The following PARD3B variants were observed in gnomAD, a reference collection of about 807,000 sequenced individuals.
The protein encoded by PARD3B is par-3 family cell polarity regulator beta.
A neutral mutation model predicts 130.2 loss-of-function variants in PARD3B; 103 were observed. The observed-to-expected ratio is 0.79, with a 90% CI of 0.67 to 0.93. PARD3B has a LOEUF of 0.93. Among genes scored for constraint, PARD3B ranks in the 40% least tolerant of loss-of-function variants. The pLI is 0.00. For missense variants in PARD3B, 1,609 were observed against 1,499.2 expected (o/e 1.07, Z -1.21); for synonymous variants, 583 against 553.2 (o/e 1.05, Z -0.76).
chr2:204,723,932 C>T (rs76565313), intron 2 of PARD3B, among the ~76,000 whole-genome samples: 3,038 of 152,078 alleles, frequency 0.02, 89 homozygotes, highest in African/African-American at 0.067. Flanking sequence ...TTTTCCTATG[C>T]AAGTAATAAA....
chr2:205,155,516 AAAAAAAATGAAAAT>A (rs2034059361), intron 10 of PARD3B, among the ~76,000 whole-genome samples: 1 of 152,082 alleles, frequency 6.6e-6, no homozygotes, highest in Non-Finnish European at 1.5e-5. Flanking sequence ...AGTAAACTTT[AAAAAAAATGAAAAT>A]AAAAAAATTT....
intron 2 of PARD3B, among the ~76,000 whole-genome samples, chr2:204,726,631 CT>C (rs1244047354): frequency 1.4e-4 from 21 of 152,144 alleles, no homozygotes; most frequent in Non-Finnish European, 2.5e-4. Context: ...TGGGATTCAA[CT>C]TTCTCAGTTC....
At chr2:205,225,460 T>G (rs2038493547) in intron 15 of PARD3B, among the ~76,000 whole-genome samples, 1 of 152,226 alleles carries the variant, frequency 6.6e-6, no homozygotes, top group Non-Finnish European at 1.5e-5. Context: ...TTTTAGATTT[T>G]TTTCCTCTGG....
At chr2:204,746,250 C>A (rs895787001) in intron 2 of PARD3B, among the ~76,000 whole-genome samples, 1 of 150,218 alleles carries the variant, frequency 6.7e-6, no homozygotes, top group Non-Finnish European at 1.5e-5. Flanking sequence ...TTTGTGCTTG[C>A]GGTAGTTTGC....
At chr2:204,647,834 A>C (rs1231507702) in intron 1 of PARD3B, among the ~76,000 whole-genome samples, 2 of 151,768 alleles carry the variant, frequency 1.3e-5, no homozygotes, top group African/African-American at 2.4e-5. Flanking sequence ...ATAATGTAAC[A>C]GAAAGGCAGA....
rs76903624 is a variant in PARD3B, at chr2:205,351,254, C to T, written c.2630+49553C>T. On this transcript the variant is annotated intron_variant, in intron 18 of 22. Transcript: ENST00000406610. The surrounding 1 kb of genome is among the most constrained non-coding windows in gnomAD (Gnocchi z 4.2). ...TTTATGATGTGAAACTAAATAAATA[C>T]GGGTACATCTTTGAAACCGGTGTTT... is the stretch of plus-strand genomic sequence containing the variant. 0.03 allele frequency among the ~76,000 whole-genome samples: 4,590 copies of T among 152,216 alleles called. 212 individuals are homozygous for T. The highest frequency in any genetic ancestry group is 0.1 in the African/African-American group (4,220 of 41,518).
intron 2 of PARD3B, among the ~76,000 whole-genome samples, chr2:204,759,797 C>G (rs1206860282): frequency 1.3e-5 from 2 of 152,006 alleles, no homozygotes; most frequent in African/African-American, 4.8e-5. Flanking sequence ...TTCTTATATC[C>G]TCATCTGCAT....
intron 2 of PARD3B, among the ~76,000 whole-genome samples, chr2:204,828,466 A>G (rs2125561110): frequency 6.6e-6 from 1 of 152,292 alleles, no homozygotes; most frequent in African/African-American, 2.4e-5. Flanking sequence ...AGTAATTCTT[A>G]TTCGCAGCTA....
rs1220055033 is a variant in PARD3B at position 205,192,068 on chromosome 2, A to G, written c.2025-1137A>G. Among the ~76,000 whole-genome samples, 6 of 152,180 alleles carry G rather than the reference A, an allele frequency of 3.9e-5. No homozygotes were observed. The East Asian group carries it at 1.2e-3, about 29-fold the overall frequency. On this transcript the variant is annotated intron_variant, in intron 14 of 22. Coordinates refer to ENST00000406610, the MANE Select transcript of PARD3B (RefSeq NM_001302769.2). ...CACGGCATTATAAAAAGGGAGGTTCATTTATTCATTTGGCAATACTATTAT... is the reference window on the plus strand; with the variant it reads ...CACGGCATTATAAAAAGGGAGGTTCGTTTATTCATTTGGCAATACTATTAT...
rs1206551848 is a variant in PARD3B at position 205,585,259 on chromosome 2, A to G, written c.3261-30197A>G. 6.6e-6 allele frequency among the ~76,000 whole-genome samples: 1 copy of G among 152,160 alleles called. No homozygotes were observed. The highest frequency in any genetic ancestry group is 2.4e-5 in the African/African-American group (1 of 41,416). On this transcript the variant is annotated intron_variant, in intron 22 of 22. Coordinates refer to ENST00000406610, the MANE Select transcript of PARD3B (RefSeq NM_001302769.2). The surrounding 1 kb of genome is among the most constrained non-coding windows in gnomAD (Gnocchi z 5.4). ...GTGTATGCCCTATCCCACAAAGTAA[A>G]TGCTGTCTTGGGCTTTTAAGTGAAT...
At chr2:205,068,786 C>T (rs148568483) in intron 4 of PARD3B, among the ~76,000 whole-genome samples, 84 of 152,082 alleles carry the variant, frequency 5.5e-4, no homozygotes, top group African/African-American at 1.4e-3. Context: ...TCCCCTTTAC[C>T]GTATGAATTA....
intron 19 of PARD3B, among the ~76,000 whole-genome samples, chr2:205,430,702 C>T (rs1241574895): frequency 6.6e-6 from 1 of 152,112 alleles, no homozygotes; most frequent in Admixed American, 6.5e-5. Flanking sequence ...GGACCAACTA[C>T]AGGAAGATCA....
chr2:205,602,003 G>T (rs2054806214), intron 22 of PARD3B, among the ~76,000 whole-genome samples: 1 of 152,126 alleles, frequency 6.6e-6, no homozygotes, highest in African/African-American at 2.4e-5. Flanking sequence ...TATGATATTG[G>T]CTGTGGGTTT....
At chr2:205,171,398 C>T (rs1218920894) in intron 11 of PARD3B, among the ~76,000 whole-genome samples, 12 of 152,172 alleles carry the variant, frequency 7.9e-5, no homozygotes, top group South Asian at 2.1e-4. Context: ...TAGGCCTCTG[C>T]TTATGAGGGA....
intron 22 of PARD3B, 97 bp downstream of exon 22, chr2:205,553,500 A>T: frequency 8.0e-7 from 1 of 1,253,468 alleles, no homozygotes; most frequent in South Asian, 1.3e-5. Flanking sequence ...GAAATAGGGA[A>T]TATGTTATAA....
intron 4 of PARD3B, among the ~76,000 whole-genome samples, chr2:205,089,017 G>A (rs762877007): frequency 1.3e-5 from 2 of 151,916 alleles, no homozygotes; most frequent in Non-Finnish European, 2.9e-5. Flanking sequence ...TGGCCAGGAT[G>A]GTGTCAGTCT....
intron 3 of PARD3B, among the ~76,000 whole-genome samples, chr2:204,965,840 A>C (rs1510770): frequency 0.15 from 22,421 of 152,212 alleles, 2,143 homozygotes; most frequent in South Asian, 0.42. Flanking sequence ...ATTTTTCATT[A>C]TATTTGTAGA....
intron 3 of PARD3B, among the ~76,000 whole-genome samples, chr2:205,040,948 T>G (rs1024281357): frequency 1.3e-5 from 2 of 152,160 alleles, no homozygotes; most frequent in African/African-American, 4.8e-5. Context: ...GGTTATCGTG[T>G]TAATCCCAGT....
At chr2:204,618,390 A>G (rs1383514883) in intron 1 of PARD3B, among the ~76,000 whole-genome samples, 1 of 152,132 alleles carries the variant, frequency 6.6e-6, no homozygotes, top group Non-Finnish European at 1.5e-5. Context: ...CAGCTTCTAC[A>G]TGTATAAAAT....
Sources: allele counts gnomAD v4.1 joint callset (sites outside exome capture counted in the v4.1 genomes callset), GRCh38; gene constraint gnomAD v4.1.1; non-coding constraint Gnocchi (gnomAD v3.1); transcripts MANE v1.5; gene names NCBI Gene and HGNC (gene_info 2026-07-23, HGNC 2026-07-21).